SLIT2: variants seen among roughly 807,000 people sequenced by gnomAD.
The protein encoded by SLIT2 is slit guidance ligand 2.
SLIT2 carries 41 observed loss-of-function variants against 185.7 expected under a neutral mutation model. That is an observed-to-expected ratio of 0.22 (90% confidence interval 0.17 to 0.29). The LOEUF is 0.29. Among genes scored for constraint, SLIT2 ranks in the 10% least tolerant of loss-of-function variants. SLIT2 has a pLI of 1.00. For missense variants in SLIT2, 1,571 were observed against 1,909.0 expected (o/e 0.82, Z 3.30); for synonymous variants, 693 against 680.2 (o/e 1.02, Z -0.29).
chr4:20,352,107 T>G lies in SLIT2; in HGVS notation c.395+83226T>G, dbSNP rs546186572. 5.1e-4 allele frequency among the ~76,000 whole-genome samples: 77 copies of G among 152,298 alleles called. No homozygotes were observed. In the South Asian group the frequency reaches 0.015, roughly 29 times the overall value. On this transcript the variant is annotated intron_variant, in intron 4 of 36. Transcript: ENST00000504154. ...TGTCAGTGCTGTATGTCTCTATGTA[T>G]GCAATTTTTCTTTTGTACAGTCATT...
At chr4:20,472,287 G>GATATATATCTATATATCTAT (rs1560452839) in intron 5 of SLIT2, among the ~76,000 whole-genome samples, 8 of 14,882 alleles carry the variant, frequency 5.4e-4, no homozygotes, top group African/African-American at 2.2e-3. Context: ...TATATATATA[G>GATATATATCTATATATCTAT]ATATATAGAT....
chr4:20,479,580 A>G (rs1270990077), intron 5 of SLIT2, among the ~76,000 whole-genome samples: 2 of 152,114 alleles, frequency 1.3e-5, no homozygotes, highest in Non-Finnish European at 2.9e-5. Context: ...AACTGAAATA[A>G]TAGCATCTCT....
chr4:20,528,026 A>T lies in SLIT2; in HGVS notation c.1463-923A>T, dbSNP rs1198914901. Among the ~76,000 whole-genome samples, 2 of 151,612 alleles carry T rather than the reference A, an allele frequency of 1.3e-5. No homozygotes were observed. Among genetic ancestry groups the T allele is most frequent in the African/African-American group, 4.9e-5 (2 of 41,196 alleles). On this transcript the variant is annotated intron_variant, in intron 15 of 36. Coordinates refer to ENST00000504154, the MANE Select transcript of SLIT2 (RefSeq NM_004787.4). The surrounding 1 kb of genome is among the most constrained non-coding windows in gnomAD (Gnocchi z 4.2). ...TAGCTCACCTTCAACTTCTTCCTGG[A>T]TGTTGTTCCCGAAAGCTGTTGTTTC...
intron 29 of SLIT2, among the ~76,000 whole-genome samples, chr4:20,572,704 G>A (rs34230344): frequency 0.35 from 52,938 of 151,946 alleles, 9,570 homozygotes; most frequent in African/African-American, 0.42. Context: ...TGGATCTGCT[G>A]TATCAAGACT....
At chr4:20,437,666 A>C (rs772666121) in intron 4 of SLIT2, among the ~76,000 whole-genome samples, 4 of 151,868 alleles carry the variant, frequency 2.6e-5, no homozygotes, top group Non-Finnish European at 5.9e-5. Context: ...TAATCCCAGC[A>C]CTTTGGGATG....
At chr4:20,553,753 GTGTA>G (rs1415326587) in intron 25 of SLIT2, 48 bp from the exon 26 acceptor site, 1 of 1,376,398 alleles carries the variant, frequency 7.3e-7, no homozygotes, top group Non-Finnish European at 9.7e-7. Context: ...GTGTGTGTGT[GTGTA>G]TGTGTGTGTG....
Position 20,398,446 on chromosome 4 carries a change from T to C in SLIT2, c.396-69306T>C, listed in dbSNP as rs114286924. Reference sequence around the variant, plus strand: ...TACAAGTGAGTTCAGAATTTGGAATTTGAAAAAGAGAACAGAGTTATCCGT... The same window carrying C: ...TACAAGTGAGTTCAGAATTTGGAATCTGAAAAAGAGAACAGAGTTATCCGT... On this transcript the variant is annotated intron_variant, in intron 4 of 36. Transcript: ENST00000504154. Among the ~76,000 whole-genome samples, 1,060 of 151,862 alleles carry C rather than the reference T, an allele frequency of 7.0e-3. 23 individuals are homozygous for C. The highest frequency in any genetic ancestry group is 0.024 in the African/African-American group (1,002 of 41,472).
intron 29 of SLIT2, among the ~76,000 whole-genome samples, chr4:20,583,765 T>C (rs1317515253): frequency 6.6e-6 from 1 of 151,704 alleles, no homozygotes; most frequent in Non-Finnish European, 1.5e-5. Context: ...GCCAAGATCA[T>C]GCCACTGCAC....
chr4:20,602,781 T>G (rs193299002), intron 33 of SLIT2, among the ~76,000 whole-genome samples: 4 of 152,286 alleles, frequency 2.6e-5, no homozygotes, highest in African/African-American at 9.6e-5. Flanking sequence ...GATGCTCACA[T>G]TGAAATCAGC....
intron 29 of SLIT2, among the ~76,000 whole-genome samples, chr4:20,583,394 A>G (rs535955920): frequency 2.6e-5 from 4 of 152,364 alleles, no homozygotes; most frequent in Admixed American, 2.6e-4. Flanking sequence ...GAATAGTTCT[A>G]AAACTATTTC....
rs576202897 is a variant in SLIT2 at position 20,284,097 on chromosome 4, C to G, written c.395+15216C>G. 2.0e-5 allele frequency among the ~76,000 whole-genome samples: 3 copies of G among 152,140 alleles called. No homozygotes were observed. In the East Asian group the frequency reaches 5.8e-4, roughly 29 times the overall value. On this transcript the variant is annotated intron_variant, in intron 4 of 36. Transcript: ENST00000504154. ...TCCAACAACCTGCCAGAATTGGAAT[C>G]CTAGCTCCAGTGTTTACTAGGTGGG...
intron 4 of SLIT2, among the ~76,000 whole-genome samples, chr4:20,375,020 A>C (rs1723909975): frequency 6.6e-6 from 1 of 151,932 alleles, no homozygotes; most frequent in South Asian, 2.1e-4. Flanking sequence ...TTCTAGTTGG[A>C]AAGAATGGAG....
intron 12 of SLIT2, among the ~76,000 whole-genome samples, chr4:20,520,327 G>A (rs1350507247): frequency 6.6e-6 from 1 of 152,102 alleles, no homozygotes; most frequent in Non-Finnish European, 1.5e-5. Flanking sequence ...CATATGAAAA[G>A]TAAAGTTGGA....
intron 30 of SLIT2, among the ~76,000 whole-genome samples, chr4:20,594,481 T>C (rs1727815646): frequency 6.6e-6 from 1 of 151,920 alleles, no homozygotes; most frequent in Non-Finnish European, 1.5e-5. Context: ...GTAAGCCTAA[T>C]AAATCACAAC....
intron 4 of SLIT2, among the ~76,000 whole-genome samples, chr4:20,353,583 C>T (rs368630503): frequency 3.9e-5 from 6 of 152,210 alleles, no homozygotes; most frequent in Admixed American, 2.0e-4. Context: ...TTATTTATTA[C>T]ACCGTATTCA....
intron 4 of SLIT2, among the ~76,000 whole-genome samples, chr4:20,320,375 G>T (rs2109162059): frequency 6.6e-6 from 1 of 152,210 alleles, no homozygotes; most frequent in Admixed American, 6.5e-5. Context: ...CTTTCAGTTT[G>T]ACTCTCTGGA....
At chr4:20,533,878 A>G (rs1722029937) in intron 18 of SLIT2, among the ~76,000 whole-genome samples, 163 bp downstream of exon 18, 1 of 151,556 alleles carries the variant, frequency 6.6e-6, no homozygotes, top group Non-Finnish European at 1.5e-5. Context: ...ACACACACAC[A>G]TGTATTGTGA....
intron 29 of SLIT2, among the ~76,000 whole-genome samples, chr4:20,587,935 T>C (rs1342117633): frequency 6.6e-6 from 1 of 152,224 alleles, no homozygotes; most frequent in African/African-American, 2.4e-5. Context: ...GTATCTCAAA[T>C]GGTCCTTCTT....
At chr4:20,335,946 T>G (rs1337014588) in intron 4 of SLIT2, among the ~76,000 whole-genome samples, 1 of 152,108 alleles carries the variant, frequency 6.6e-6, no homozygotes, top group Non-Finnish European at 1.5e-5. Flanking sequence ...CAATGACAAC[T>G]GATAGATGTA....
Sources: allele counts gnomAD v4.1 joint callset (sites outside exome capture counted in the v4.1 genomes callset), GRCh38; gene constraint gnomAD v4.1.1; non-coding constraint Gnocchi (gnomAD v3.1); transcripts MANE v1.5; gene names NCBI Gene and HGNC (gene_info 2026-07-23, HGNC 2026-07-21).